The following TMIE variants were observed in gnomAD, a reference collection of about 807,000 sequenced individuals.
TMIE encodes transmembrane inner ear.
A neutral mutation model predicts 16.8 loss-of-function variants in TMIE; 14 were observed. That is an observed-to-expected ratio of 0.83 (90% CI 0.55 to 1.30). TMIE has a LOEUF of 1.30. Ranked by LOEUF, TMIE falls within the 50% of genes most tolerant of loss-of-function variation. The pLI is 0.00. For missense variants in TMIE, 204 were observed against 205.9 expected (o/e 0.99, Z 0.06); for synonymous variants, 75 against 87.2 (o/e 0.86, Z 0.78).
rs374587289 is a variant in TMIE at position 46,709,254 on chromosome 3, G to C, written c.340G>C (p.Glu114Gln). 2 of 1,614,084 alleles carry C rather than the reference G, an allele frequency of 1.2e-6. No individual in the cohort carries two copies. The highest frequency in any genetic ancestry group is 1.7e-6 in the Non-Finnish European group (2 of 1,180,036). Residue 114 changes from glutamate (E) to glutamine (Q), a missense_variant, in exon 3 of 4, where the codon GAG becomes CAG. Physicochemically the swap from Glu to Gln is conservative, Grantham distance 29. Transcript: ENST00000643606. ...DKLETVPPLN[E>Q]LTEVPGEDKK... ...GCTGGAGACTGTGCCACCCCTCAAT[G>C]AGCTCACAGAAGTCCCAGGAGGTGA... is the stretch of plus-strand genomic sequence containing the variant.
At chr3:46,704,778 TCATGTCCCTAGACACCCAGGGTGAAG>T (rs1250322633) in intron 1 of TMIE, among the ~76,000 whole-genome samples, 1 of 105,324 alleles carries the variant, frequency 9.5e-6, no homozygotes, top group African/African-American at 3.5e-5. Flanking sequence ...AGGGCCAGGG[TCATGTCCCTAGACACCCAGGGTGAAG>T]CATGTCCCCT....
chr3:46,701,554 G>T lies in TMIE; in HGVS notation c.67G>T (p.Ala23Ser). The T allele has an allele frequency of 1.6e-6, 2 of 1,288,404 alleles. No homozygotes were observed. Among genetic ancestry groups the T allele is most frequent in the Non-Finnish European group, 2.0e-6 (2 of 1,020,688 alleles). The allele number at this position is 1,288,404 out of a possible 1,614,324, so 79.8% of individuals were successfully genotyped here. A position where few individuals can be genotyped will look rare whatever the true frequency, so the allele number is the denominator to read the frequency against. Residue 23 changes from alanine (A) to serine (S), a missense_variant, in exon 1 of 4, where the codon GCG (alanine) becomes TCG (serine). Physicochemically the swap from Ala to Ser is moderately conservative, Grantham distance 99 (BLOSUM62 1). Transcript: ENST00000643606. The surrounding 1 kb of genome is among the most constrained non-coding windows in gnomAD (Gnocchi z 4.3). ...CGGCGCCGCACTCGGGGTGTGCCTC[G>T]CGGGGGTTGCCGGGCAGCTGGTGGA... The part of the protein sequence containing the change: ...LGGAALGVCL[A>S]GVAGQLVEPS...
chr3:46,701,163 G>C, upstream of TMIE: 1 of 284,370 alleles, frequency 3.5e-6, no homozygotes, highest in South Asian at 1.2e-4. This position sits in a 1 kb window ranked among gnomAD's most constrained non-coding sequence, Gnocchi z 4.3. Flanking sequence ...ATTTGCAGAA[G>C]GGAGGGGGAC....
upstream of TMIE, among the ~76,000 whole-genome samples, chr3:46,699,500 A>G (rs1700445989): frequency 6.6e-6 from 1 of 152,162 alleles, no homozygotes; most frequent in East Asian, 1.9e-4. Flanking sequence ...GTGTGATAGT[A>G]TTTGGCTGTG....
chr3:46,701,435 C>G lies in TMIE; in HGVS notation c.-53C>G. 7.2e-7 allele frequency: 1 copy of G among 1,392,462 alleles called. No homozygotes were observed. Among genetic ancestry groups the G allele is most frequent in the Non-Finnish European group, 9.4e-7 (1 of 1,060,778 alleles). The allele number at this position is 1,392,462 out of a possible 1,614,324, so 86.3% of individuals were successfully genotyped here. A position where few individuals can be genotyped will look rare whatever the true frequency, so the allele number is the denominator to read the frequency against. ...AGCGCCGGCTGGCAGGGGCAGTGAC[C>G]GGCGGCCGGCCCGTTCGTCCCTGGG... is the stretch of plus-strand genomic sequence containing the variant. On this transcript the variant is annotated 5_prime_UTR_variant, in exon 1 of 4. Transcript: ENST00000643606. This position sits in a 1 kb window ranked among gnomAD's most constrained non-coding sequence, Gnocchi z 4.3.
chr3:46,701,724 T>C lies in TMIE; in HGVS notation c.93+144T>C, dbSNP rs1354342531. The stretch of plus-strand genomic sequence containing the variant: ...TCCAGTCTCCCGGGCGATGCAGCCC[T>C]GCCCCAAGCCCTGCCAGGCTGTGAG... On this transcript the variant is annotated intron_variant, in intron 1 of 3. Transcript: ENST00000643606. The surrounding 1 kb of genome is among the most constrained non-coding windows in gnomAD (Gnocchi z 4.3). 7 of 665,928 alleles carry C rather than the reference T, an allele frequency of 1.1e-5. No individual in the cohort carries two copies. Among genetic ancestry groups the C allele is most frequent in the South Asian group, 1.4e-4 (2 of 14,302 alleles). The allele number at this position is 665,928 out of a possible 1,614,324, so 41.3% of individuals were successfully genotyped here.
upstream of TMIE, among the ~76,000 whole-genome samples, chr3:46,694,360 A>AC (rs35763779): frequency 6.6e-6 from 1 of 151,424 alleles, no homozygotes; most frequent in African/African-American, 2.4e-5. Context: ...TCTGGGACAG[A>AC]CCCCCCGGGA....
chr3:46,703,752 G>A (rs918400681), intron 1 of TMIE, among the ~76,000 whole-genome samples: 16 of 152,130 alleles, frequency 1.1e-4, no homozygotes, highest in East Asian at 1.9e-4. Context: ...TGCAACCCAC[G>A]CTGAAGGGTG....
At chr3:46,709,371 T>G (rs1157680082) in intron 3 of TMIE, 96 bp downstream of exon 3, 4 of 1,604,872 alleles carry the variant, frequency 2.5e-6, no homozygotes, top group Non-Finnish European at 3.4e-6. Flanking sequence ...CAAAGCAGGT[T>G]CAGGGAGGGG....
At chr3:46,707,051 A>C (rs556549860) in intron 2 of TMIE, among the ~76,000 whole-genome samples, 2 of 152,330 alleles carry the variant, frequency 1.3e-5, no homozygotes, top group South Asian at 4.1e-4. Flanking sequence ...CCCGCCCCCC[A>C]TCTGAGCAAG....
chr3:46,703,456 T>C (rs1039819921), intron 1 of TMIE, among the ~76,000 whole-genome samples: 7 of 152,100 alleles, frequency 4.6e-5, no homozygotes, highest in Non-Finnish European at 5.9e-5. Context: ...GCCTTAGAAT[T>C]AGGGCAGCTG....
intron 1 of TMIE, 64 bp from the exon 2 acceptor site, chr3:46,705,726 C>T (rs1369131681): frequency 2.9e-5 from 42 of 1,444,230 alleles, no homozygotes; most frequent in Middle Eastern, 2.1e-4. Context: ...GACCTGGGCC[C>T]TTCTCAGCTG....
Position 46,701,606 on chromosome 3 carries a change from G to C in TMIE, c.93+26G>C. 1 of 1,276,424 alleles carries C rather than the reference G, an allele frequency of 7.8e-7. No individual in the cohort carries two copies. The allele number at this position is 1,276,424 out of a possible 1,614,324, so 79.1% of individuals were successfully genotyped here. On this transcript the variant is annotated intron_variant, in intron 1 of 3. Coordinates refer to ENST00000643606, the MANE Select transcript of TMIE (RefSeq NM_147196.3). This position sits in a 1 kb window ranked among gnomAD's most constrained non-coding sequence, Gnocchi z 4.3. ...GTGAGGCCGCGGCACGGAGGGACTG[G>C]GGAGGCTGTCACCCTCCAGGCAGGG...
At chr3:46,706,703 C>T (rs999999780) in intron 2 of TMIE, among the ~76,000 whole-genome samples, 2 of 151,982 alleles carry the variant, frequency 1.3e-5, no homozygotes, top group Non-Finnish European at 2.9e-5. Flanking sequence ...AGCTGCAGAC[C>T]GGTGGGAGGG....
chr3:46,700,995 C>A (rs1700462596), upstream of TMIE, among the ~76,000 whole-genome samples: 1 of 152,046 alleles, frequency 6.6e-6, no homozygotes, highest in Admixed American at 6.5e-5. Flanking sequence ...CCAGGACATC[C>A]CTGAGCGCCT....
upstream of TMIE, among the ~76,000 whole-genome samples, chr3:46,699,767 C>T (rs1475650960): frequency 6.6e-6 from 1 of 152,196 alleles, no homozygotes; most frequent in Non-Finnish European, 1.5e-5. Flanking sequence ...AACAGCTCTC[C>T]TCTGGGCTGA....
In TMIE at chr3:46,709,775, G is replaced by A. The variant is rs554119481; in HGVS notation, c.*87G>A. ...CATGTTGGACTCTGAGCTCATTTGG[G>A]GACCACAGAGGCTGTGGTCAGAGAG... On this transcript the variant is annotated 3_prime_UTR_variant, in exon 4 of 4. Transcript: ENST00000643606. 5.3e-5 allele frequency: 85 copies of A among 1,592,624 alleles called. 1 individual carries two copies. The Middle Eastern group carries it at 8.1e-4, about 15-fold the overall frequency.
At chr3:46,697,521 T>C (rs962070926), upstream of TMIE, among the ~76,000 whole-genome samples, 1 of 152,166 alleles carries the variant, frequency 6.6e-6, no homozygotes, top group East Asian at 1.9e-4. Context: ...TCTCGCCCTA[T>C]GCATCTCTTC....
chr3:46,698,643 G>A (rs73831194), upstream of TMIE, among the ~76,000 whole-genome samples: 282 of 152,236 alleles, frequency 1.9e-3, 1 homozygote, highest in African/African-American at 6.5e-3. Context: ...GCCCACCTGA[G>A]GGTTCACAGC....
Sources: gnomAD v4.1 joint callset for allele counts (sites outside exome capture counted in the v4.1 genomes callset) on GRCh38, gnomAD v4.1.1 for gene constraint, Gnocchi (gnomAD v3.1) non-coding constraint, MANE v1.5 for transcripts, NCBI Gene and HGNC (gene_info 2026-07-23, HGNC 2026-07-21) for gene names.